The following DENND5A variants were observed in gnomAD, a reference collection of about 807,000 sequenced individuals.
DENND5A encodes DENN domain containing 5A.
In DENND5A, 64 loss-of-function variants were observed where a neutral mutation model predicts 140.3. The observed-to-expected ratio is 0.46, with a 90% CI of 0.37 to 0.56. DENND5A has a LOEUF of 0.56. Ranked by LOEUF, DENND5A falls within the 20% of genes least tolerant of loss-of-function variation. The probability of loss-of-function intolerance (pLI) is 0.00; values close to 1 mark genes in which losing one functional copy is unlikely to be tolerated. For missense variants in DENND5A, 1,292 were observed against 1,593.8 expected (o/e 0.81, Z 3.22); for synonymous variants, 605 against 607.7 (o/e 1.00, Z 0.07).
chr11:9,254,986 G>T (rs1206877903), intron 1 of DENND5A, among the ~76,000 whole-genome samples: 3 of 152,094 alleles, frequency 2.0e-5, no homozygotes, highest in East Asian at 3.9e-4. Flanking sequence ...CATGAGAATC[G>T]CTTGAACCCA....
intron 1 of DENND5A, among the ~76,000 whole-genome samples, chr11:9,231,654 G>A (rs1850775214): frequency 7.2e-6 from 1 of 139,450 alleles, no homozygotes; most frequent in Non-Finnish European, 1.5e-5. Context: ...GGCAGAGGTT[G>A]CAGTGAGCCG....
At chr11:9,223,815 C>G (rs926109401) in intron 1 of DENND5A, among the ~76,000 whole-genome samples, 11 of 152,150 alleles carry the variant, frequency 7.2e-5, no homozygotes, top group Non-Finnish European at 1.6e-4. Context: ...ATTTAGCTTG[C>G]TAAAGAATAT....
rs749783471 is a variant in DENND5A at position 9,181,031 on chromosome 11, G to A, written c.1191C>T (p.Asp397=). The A allele has an allele frequency of 6.2e-7, 1 of 1,614,202 alleles. No individual in the cohort carries two copies. The highest frequency in any genetic ancestry group is 1.1e-5 in the South Asian group (1 of 91,088). The change falls in exon 6 of 23, where the codon GAC becomes GAT. Residue 397 remains aspartate, a synonymous_variant. Transcript: ENST00000328194. ...IDNHFIELPE[D]LPQFPNKLEF... The stretch of plus-strand genomic sequence containing the variant: ...CCAATTTGTTGGGGAACTGTGGCAA[G>A]TCCTCTGGCAACTCAATGAAGTGGT...
In DENND5A at chr11:9,139,512, A is replaced by C; in HGVS notation, c.*159T>G. The C allele has an allele frequency of 1.5e-6, 1 of 680,580 alleles. No homozygotes were observed. Among genetic ancestry groups the C allele is most frequent in the Non-Finnish European group, 2.4e-6 (1 of 413,034 alleles). The allele number at this position is 680,580 out of a possible 1,614,324, so 42.2% of individuals were successfully genotyped here. A position where few individuals can be genotyped will look rare whatever the true frequency, so the allele number is the denominator to read the frequency against. ...AAAGCAAATCAGCAAATAAACTCTA[A>C]AATAGATTATTTATTCCAAAAATCC... On this transcript the variant is annotated 3_prime_UTR_variant, in exon 23 of 23. Coordinates refer to ENST00000328194, the MANE Select transcript of DENND5A (RefSeq NM_015213.4).
intron 12 of DENND5A, among the ~76,000 whole-genome samples, chr11:9,156,927 G>C (rs914489596): frequency 6.6e-6 from 1 of 151,528 alleles, no homozygotes; most frequent in African/African-American, 2.4e-5. Context: ...CTTACTGTGA[G>C]AATTCCTGCA....
chr11:9,207,337 T>C lies in DENND5A; in HGVS notation c.181+224A>G, dbSNP rs1427419895. 1.1e-5 allele frequency: 6 copies of C among 529,822 alleles called. No homozygotes were observed. The East Asian group carries it at 1.3e-4, about 11-fold the overall frequency. 32.8% of individuals were successfully genotyped at this position (529,822 alleles called of 1,614,324 possible). ...TCTGGAATTGTCCTTTGTTTTCCCA[T>C]TCCCCCTCCTAAAAACACTAAAGTA... On this transcript the variant is annotated intron_variant, in intron 2 of 22. Coordinates refer to ENST00000328194, the MANE Select transcript of DENND5A (RefSeq NM_015213.4).
intron 5 of DENND5A, among the ~76,000 whole-genome samples, chr11:9,181,397 A>G (rs566248581): frequency 6.6e-6 from 1 of 152,334 alleles, no homozygotes; most frequent in South Asian, 2.1e-4. Context: ...ATAGATGTTT[A>G]GCATCAAACA....
chr11:9,252,851 G>A (rs1851789097), intron 1 of DENND5A, among the ~76,000 whole-genome samples: 1 of 124,756 alleles, frequency 8.0e-6, no homozygotes. Flanking sequence ...ACAGCAACAG[G>A]ATTTTTTTTT....
At chr11:9,170,150 G>A (rs1848323422) in intron 9 of DENND5A, 5 of 509,980 alleles carry the variant, frequency 9.8e-6, no homozygotes, top group African/African-American at 2.1e-5. Context: ...ACCTCCTCAT[G>A]GAACATGTCT....
chr11:9,144,278 C>A lies in DENND5A; in HGVS notation c.3123G>T (p.Lys1041Asn), dbSNP rs754401792. ...TCCCTAACCACCGGCCACACGGGAA[C>A]CTGAAGATCAGACAATGGACTGTCA... is the stretch of plus-strand genomic sequence containing the variant. Reference protein sequence around the residue: ...VRNEITGHTYKFPCGRWLGKG... With the variant: ...VRNEITGHTYNFPCGRWLGKG... The change falls in exon 19 of 23, where the codon AAG becomes AAT. Residue 1041 changes from lysine to asparagine, a missense_variant and splice_region_variant. Lys to Asn is a moderately conservative substitution (Grantham distance 94). Around this residue, in one of 4 missense-constraint regions of DENND5A, gnomAD observed 498 missense variants for 689.7 expected, o/e 0.72. Transcript: ENST00000328194. The A allele has an allele frequency of 6.2e-7, 1 of 1,613,700 alleles. No individual in the cohort carries two copies. Among genetic ancestry groups the A allele is most frequent in the Non-Finnish European group, 8.5e-7 (1 of 1,179,974 alleles).
intron 1 of DENND5A, among the ~76,000 whole-genome samples, chr11:9,261,676 G>A (rs1159474183): frequency 6.6e-6 from 1 of 151,464 alleles, no homozygotes; most frequent in Non-Finnish European, 1.5e-5. Flanking sequence ...AGCTACTCGG[G>A]AGGCTGAGGC....
chr11:9,185,719 T>C (rs1002178306), intron 5 of DENND5A, among the ~76,000 whole-genome samples: 5 of 152,168 alleles, frequency 3.3e-5, no homozygotes, highest in African/African-American at 9.7e-5. Context: ...TGTGTGTCTC[T>C]GTACGTGTCT....
intron 1 of DENND5A, among the ~76,000 whole-genome samples, chr11:9,235,412 A>T (rs1167224779): frequency 6.6e-6 from 1 of 152,186 alleles, no homozygotes; most frequent in Non-Finnish European, 1.5e-5. Flanking sequence ...TAATCCCAGC[A>T]CTTTGGGAGG....
intron 1 of DENND5A, among the ~76,000 whole-genome samples, chr11:9,232,765 C>G (rs781549096): frequency 1.4e-4 from 21 of 152,148 alleles, no homozygotes; most frequent in African/African-American, 4.3e-4. Flanking sequence ...AAGGCACATA[C>G]AGGAATGTTC....
At chr11:9,146,913 C>T in intron 16 of DENND5A, 117 bp downstream of exon 16, 3 of 1,254,582 alleles carry the variant, frequency 2.4e-6, no homozygotes, top group Non-Finnish European at 3.4e-6. Flanking sequence ...AGGCAAAAGA[C>T]AAATAGAAAG....
rs1054629790 is a variant in DENND5A at position 9,191,003 on chromosome 11, G to C, written c.1137+2491C>G. Among the ~76,000 whole-genome samples, 3 of 152,234 alleles carry C rather than the reference G, an allele frequency of 2.0e-5. No individual in the cohort carries two copies. The South Asian group carries it at 6.2e-4, about 32-fold the overall frequency. ...TGCTCCCACAAATGTGTGACCTTCAGAAGACAGGTGTGGATGAACTAGGAC... is the reference window on the plus strand; with the variant it reads ...TGCTCCCACAAATGTGTGACCTTCACAAGACAGGTGTGGATGAACTAGGAC... On this transcript the variant is annotated intron_variant, in intron 5 of 22. Coordinates refer to ENST00000328194, the MANE Select transcript of DENND5A (RefSeq NM_015213.4).
At chr11:9,219,167 T>C (rs1850214697) in intron 1 of DENND5A, among the ~76,000 whole-genome samples, 2 of 151,448 alleles carry the variant, frequency 1.3e-5, no homozygotes, top group Non-Finnish European at 2.9e-5. Flanking sequence ...AATAATAAAG[T>C]TTCCCAGAAA....
chr11:9,165,088 C>T (rs1170276244), intron 11 of DENND5A, among the ~76,000 whole-genome samples: 1 of 152,014 alleles, frequency 6.6e-6, no homozygotes, highest in Non-Finnish European at 1.5e-5. Context: ...CAACCTCCGC[C>T]TCCCGGGTTC....
chr11:9,222,745 T>C (rs917779601), intron 1 of DENND5A, among the ~76,000 whole-genome samples: 1 of 152,186 alleles, frequency 6.6e-6, no homozygotes. Flanking sequence ...CATACACATA[T>C]GGCATATAGG....
Sources: allele counts gnomAD v4.1 joint callset (sites outside exome capture counted in the v4.1 genomes callset), GRCh38; gene constraint gnomAD v4.1.1; regional missense constraint gnomAD v4.1.1; transcripts MANE v1.5; gene names NCBI Gene and HGNC (gene_info 2026-07-23, HGNC 2026-07-21).